ZC3H11A: variants seen among roughly 807,000 people sequenced by gnomAD.
The protein encoded by ZC3H11A is zinc finger CCCH-type containing 11A.
Under a neutral mutation model 90.8 loss-of-function variants are expected in ZC3H11A, and 22 were observed. The observed-to-expected ratio is 0.24, with a 90% CI of 0.17 to 0.35. The LOEUF (loss-of-function observed/expected upper bound fraction) is 0.35, where lower values mean the gene tolerates loss of function less well. ZC3H11A is among the 10% of genes least tolerant of loss of function. The pLI, the probability that ZC3H11A is intolerant of heterozygous loss-of-function variation, is 1.00. For missense variants in ZC3H11A, 701 were observed against 964.9 expected (o/e 0.73, Z 3.62); for synonymous variants, 294 against 339.8 (o/e 0.87, Z 1.48).
chr1:203,796,730 C>T (rs764111146), intron 1 of ZC3H11A: 26 of 342,996 alleles, frequency 7.6e-5, no homozygotes, highest in Middle Eastern at 1.6e-3. Context: ...GCTGTAAAAG[C>T]TTCTCAAGTC....
At chr1:203,832,289 G>A (rs376668060) in intron 9 of ZC3H11A, among the ~76,000 whole-genome samples, 14 of 152,062 alleles carry the variant, frequency 9.2e-5, no homozygotes, top group African/African-American at 2.9e-4. Context: ...TCAAACTCCC[G>A]ACCTCAGGTG....
chr1:203,799,532 T>C, intron 1 of ZC3H11A: 1 of 703,036 alleles, frequency 1.4e-6, no homozygotes, highest in South Asian at 1.5e-5. Context: ...ATAGTCTTGG[T>C]AGAGCCAGTG....
rs368137833 is a variant in ZC3H11A, at chr1:203,818,576, A to G, written c.61A>G (p.Ser21Gly). 3.1e-6 allele frequency: 5 copies of G among 1,613,946 alleles called. No individual in the cohort carries two copies. In the African/African-American group the frequency reaches 6.7e-5, roughly 22 times the overall value. The change falls in exon 4 of 18, where the codon AGC becomes GGC. Residue 21 changes from serine (S) to glycine (G), a missense_variant. Around this residue, in one of 4 missense-constraint regions of ZC3H11A, gnomAD observed 59 missense variants for 132.8 expected, o/e 0.44. Transcript: ENST00000367210. ...GTTCTCTATTTGTTTACAGGGTGAC[A>G]GCTGCCCATTCCGTCACTGTGAAGC... ...FFYSTCTKGD[S>G]CPFRHCEAAI... is the part of the protein sequence containing the mutation.
intron 2 of ZC3H11A, among the ~76,000 whole-genome samples, chr1:203,811,247 G>A (rs926204292): frequency 1.4e-4 from 21 of 152,122 alleles, no homozygotes; most frequent in African/African-American, 4.6e-4. Flanking sequence ...GGTGGAGGTT[G>A]CAGTCAGCTG....
chr1:203,836,445 T>G (rs924205629), intron 10 of ZC3H11A, among the ~76,000 whole-genome samples: 1 of 152,154 alleles, frequency 6.6e-6, no homozygotes, highest in African/African-American at 2.4e-5. Context: ...CAACTTGTAT[T>G]GAACAGTGTA....
intron 2 of ZC3H11A, among the ~76,000 whole-genome samples, chr1:203,810,775 A>G (rs1674198162): frequency 6.6e-6 from 1 of 151,996 alleles, no homozygotes; most frequent in Non-Finnish European, 1.5e-5. Flanking sequence ...AGGGAGTGTT[A>G]TCTACTCAGG....
intron 17 of ZC3H11A, 87 bp downstream of exon 17, chr1:203,851,211 A>C (rs1689169584): frequency 8.4e-7 from 1 of 1,185,868 alleles, no homozygotes; most frequent in Admixed American, 2.3e-5. Flanking sequence ...AAATAACTTT[A>C]GCAACATTCA....
chr1:203,825,508 C>T (rs2102950898), intron 4 of ZC3H11A, among the ~76,000 whole-genome samples: 1 of 145,866 alleles, frequency 6.9e-6, no homozygotes, highest in East Asian at 2.1e-4. Flanking sequence ...CATCTTGGCT[C>T]ACTGAAACTT....
Position 203,798,750 on chromosome 1 carries a change from A to G in ZC3H11A, c.-1587-2825A>G, listed in dbSNP as rs1231412271. ...TTGTGGAAATCCAGTCTCAAGTCACATAAGTCAGGCAATTATCCAAATGAT... is the reference window on the plus strand; with the variant it reads ...TTGTGGAAATCCAGTCTCAAGTCACGTAAGTCAGGCAATTATCCAAATGAT... On this transcript the variant is annotated intron_variant, in intron 1 of 17. Transcript: ENST00000367210. 9.8e-6 allele frequency: 15 copies of G among 1,536,062 alleles called. No homozygotes were observed. Among genetic ancestry groups the G allele is most frequent in the African/African-American group, 2.7e-5 (2 of 73,058 alleles).
In ZC3H11A at chr1:203,802,035, A is replaced by G; in HGVS notation, c.-1127A>G. ...CCAGTGATACTGGTGTTGATACAAAATAAGAAATAAATTTTCCCTTAGATA... is the reference window on the plus strand; with the variant it reads ...CCAGTGATACTGGTGTTGATACAAAGTAAGAAATAAATTTTCCCTTAGATA... On this transcript the variant is annotated 5_prime_UTR_variant, in exon 2 of 18. Transcript: ENST00000367210. 6.5e-6 allele frequency: 1 copy of G among 152,748 alleles called. No homozygotes were observed. 9.5% of individuals were successfully genotyped at this position (152,748 alleles called of 1,614,324 possible).
At chr1:203,822,649 G>C (rs1043889372) in intron 4 of ZC3H11A, among the ~76,000 whole-genome samples, 2 of 152,046 alleles carry the variant, frequency 1.3e-5, no homozygotes, top group Non-Finnish European at 2.9e-5. Context: ...ATCCTACATT[G>C]TGATCTCTTC....
rs200302232 is a variant in ZC3H11A at position 203,819,089 on chromosome 1, TACACACAC to T, written c.174+423_174+430del. Among the ~76,000 whole-genome samples the T allele has an allele frequency of 3.7e-3, 516 of 140,944 alleles. 7 individuals carry two copies. Among genetic ancestry groups the T allele is most frequent in the Admixed American group, 0.024 (332 of 14,024 alleles). The allele number at this position is 140,944 out of a possible 152,430, so 92.5% of individuals were successfully genotyped here. ...TCTCAAAAAAAAAAATATATATATA[TACACACAC>T]ACACACACACACACACACACACGTG... On this transcript the variant is annotated intron_variant, in intron 4 of 17. Coordinates refer to ENST00000367210, the MANE Select transcript of ZC3H11A (RefSeq NM_001376342.1).
chr1:203,797,869 A>C, intron 1 of ZC3H11A: 1 of 1,536,118 alleles, frequency 6.5e-7, no homozygotes, highest in Non-Finnish European at 8.7e-7. Context: ...AGTCTTTTTG[A>C]GAGCAATATA....
chr1:203,819,219 T>C (rs1426704054), intron 4 of ZC3H11A, among the ~76,000 whole-genome samples: 2 of 151,048 alleles, frequency 1.3e-5, no homozygotes, highest in Non-Finnish European at 1.5e-5. Flanking sequence ...TTTTTTTCTT[T>C]CTTTTTATTT....
intron 1 of ZC3H11A, chr1:203,798,172 A>G: frequency 6.5e-7 from 1 of 1,536,148 alleles, no homozygotes; most frequent in Non-Finnish European, 8.7e-7. Context: ...AGCTTTGAAT[A>G]TATTCCTACT....
At position 203,831,885 on chromosome 1, in the gene ZC3H11A, C is replaced by A. The variant is rs551532370; in HGVS notation, c.811+114C>A. The A allele has an allele frequency of 8.1e-5, 63 of 775,704 alleles. No homozygotes were observed. The African/African-American group carries it at 9.5e-4, about 12-fold the overall frequency. The allele number at this position is 775,704 out of a possible 1,614,324, so 48.1% of individuals were successfully genotyped here. ...GAATTTTCAGGAATTTGTTAGTATGCTGATGAGATAATCTAAAGATGAAAA... is the reference window on the plus strand; with the variant it reads ...GAATTTTCAGGAATTTGTTAGTATGATGATGAGATAATCTAAAGATGAAAA... On this transcript the variant is annotated intron_variant, in intron 9 of 17. Coordinates refer to ENST00000367210, the MANE Select transcript of ZC3H11A (RefSeq NM_001376342.1).
intron 2 of ZC3H11A, among the ~76,000 whole-genome samples, chr1:203,807,092 C>T (rs1672662789): frequency 6.6e-6 from 1 of 151,730 alleles, no homozygotes; most frequent in African/African-American, 2.4e-5. Context: ...TTGTGTTGCC[C>T]AGGCTGGTCT....
At position 203,798,634 on chromosome 1, in the gene ZC3H11A, C is replaced by G. The variant is rs1183209768; in HGVS notation, c.-1588+2840C>G. 9.1e-6 allele frequency: 14 copies of G among 1,536,070 alleles called. No homozygotes were observed. In the East Asian group the frequency reaches 3.4e-4, roughly 38 times the overall value. On this transcript the variant is annotated intron_variant, in intron 1 of 17. Transcript: ENST00000367210. Reference sequence around the variant, plus strand: ...CTTAGTGACTCTGATTCAGATGAACCTATGTTAGAGGTTGAAAACAGATCT... The same window carrying G: ...CTTAGTGACTCTGATTCAGATGAACGTATGTTAGAGGTTGAAAACAGATCT...
intron 10 of ZC3H11A, 187 bp downstream of exon 10, chr1:203,834,040 G>T: frequency 7.9e-7 from 1 of 1,258,666 alleles, no homozygotes; most frequent in Non-Finnish European, 1.0e-6. Context: ...GATTTAAAGT[G>T]TTACAATTGA....
Sources: gnomAD v4.1 joint callset for allele counts (sites outside exome capture counted in the v4.1 genomes callset) on GRCh38, gnomAD v4.1.1 for gene constraint, gnomAD v4.1.1 regional missense constraint, MANE v1.5 for transcripts, NCBI Gene and HGNC (gene_info 2026-07-23, HGNC 2026-07-21) for gene names.